The following DYNC1I2 variants were observed in gnomAD, a reference collection of about 807,000 sequenced individuals.
The protein encoded by DYNC1I2 is cytoplasmic dynein 1 intermediate chain 2.
Under a neutral mutation model 88.6 loss-of-function variants are expected in DYNC1I2, and 53 were observed. The observed-to-expected ratio is 0.60, with a 90% CI of 0.48 to 0.75. The LOEUF (loss-of-function observed/expected upper bound fraction) is 0.75. DYNC1I2 is among the 30% of genes least tolerant of loss of function. The probability of loss-of-function intolerance (pLI) is 0.00; values close to 1 mark genes in which losing one functional copy is unlikely to be tolerated. For synonymous variants in DYNC1I2, 198 were observed against 254.6 expected (o/e 0.78, Z 2.12); for missense variants, 458 against 766.6 (o/e 0.60, Z 4.75).
rs1022888489 is a variant in DYNC1I2 at position 171,749,436 on chromosome 2, A to G, written c.*1547A>G. 6.6e-6 allele frequency among the ~76,000 whole-genome samples: 1 copy of G among 152,140 alleles called. No homozygotes were observed. Among genetic ancestry groups the G allele is most frequent in the African/African-American group, 2.4e-5 (1 of 41,434 alleles). ...ATTATATACCAAAGACAATATCTCA[A>G]GTTATCTCATTGTAGCAGTGTCTGT... On this transcript the variant is annotated 3_prime_UTR_variant, in exon 18 of 18. Coordinates refer to ENST00000397119, the MANE Select transcript of DYNC1I2 (RefSeq NM_001378.3).
At chr2:171,737,871 T>C (rs1169159307) in intron 15 of DYNC1I2, among the ~76,000 whole-genome samples, 1 of 152,146 alleles carries the variant, frequency 6.6e-6, no homozygotes, top group Non-Finnish European at 1.5e-5. Context: ...TAAAATCATG[T>C]CACGGGGGTT....
chr2:171,701,623 G>A (rs1686266244), intron 3 of DYNC1I2, among the ~76,000 whole-genome samples: 1 of 152,170 alleles, frequency 6.6e-6, no homozygotes, highest in South Asian at 2.1e-4. Context: ...ATTTAGTTAA[G>A]TAGCTACTTT....
intron 1 of DYNC1I2, among the ~76,000 whole-genome samples, chr2:171,689,882 C>CTTTTTTTTTTTTTTTTTTTTTTT (rs10716223): frequency 1.8e-5 from 1 of 54,156 alleles, no homozygotes; most frequent in Non-Finnish European, 3.3e-5. Context: ...TTTTTCTTGC[C>CTTTTTTTTTTTTTTTTTTTTTTT]TTTTTTTTTT....
intron 7 of DYNC1I2, among the ~76,000 whole-genome samples, chr2:171,724,409 G>C (rs1389196722): frequency 6.6e-6 from 1 of 152,072 alleles, no homozygotes; most frequent in Non-Finnish European, 1.5e-5. Flanking sequence ...GCCTGCCATT[G>C]GGGAGAGACA....
Position 171,725,690 on chromosome 2 carries a change from A to C in DYNC1I2, c.584A>C (p.Lys195Thr). 2 of 1,579,462 alleles carry C rather than the reference A, an allele frequency of 1.3e-6. No homozygotes were observed. The highest frequency in any genetic ancestry group is 1.7e-6 in the Non-Finnish European group (2 of 1,166,044). Residue 195 changes from lysine (K) to threonine (T), a missense_variant, in exon 8 of 18, where the codon AAA becomes ACA. Physicochemically the swap from Lys to Thr is moderately conservative, Grantham distance 78. Around this residue, in one of 5 missense-constraint regions of DYNC1I2, gnomAD observed 203 missense variants for 354.2 expected, o/e 0.57. Coordinates refer to ENST00000397119, the MANE Select transcript of DYNC1I2 (RefSeq NM_001378.3). ...CCTGAAGAAGAGAAAACTTTAAAGA[A>C]AGATGAGGAAAATGATAGTAAAGGT... Reference protein sequence around the residue: ...IEPEEEKTLKKDEENDSKAPP... With the variant: ...IEPEEEKTLKTDEENDSKAPP...
intron 14 of DYNC1I2, 52 bp downstream of exon 14, chr2:171,728,902 T>C (rs760280754): frequency 2.3e-5 from 35 of 1,520,138 alleles, no homozygotes; most frequent in Non-Finnish European, 2.9e-5. Context: ...TTTAATCCCA[T>C]TGAAACAAAT....
At chr2:171,707,452 G>T in intron 5 of DYNC1I2, 75 bp downstream of exon 5, 1 of 1,305,936 alleles carries the variant, frequency 7.7e-7, no homozygotes, top group South Asian at 1.7e-5. Flanking sequence ...ACTTTAAAGG[G>T]ACTCTAAATA....
intron 15 of DYNC1I2, among the ~76,000 whole-genome samples, chr2:171,732,173 A>G (rs1422861087): frequency 2.6e-5 from 4 of 152,148 alleles, no homozygotes; most frequent in African/African-American, 4.8e-5. Flanking sequence ...AGACCAGCCC[A>G]GCCAACATGG....
intron 7 of DYNC1I2, 151 bp from the exon 8 acceptor site, chr2:171,725,467 G>C (rs1393943308): frequency 1.8e-6 from 1 of 546,260 alleles, no homozygotes; most frequent in Non-Finnish European, 3.2e-6. Context: ...TACTTGTTCT[G>C]TCCGGTCAGT....
chr2:171,744,292 T>C, intron 16 of DYNC1I2, 103 bp downstream of exon 16: 1 of 1,245,284 alleles, frequency 8.0e-7, no homozygotes, highest in Non-Finnish European at 1.1e-6. Context: ...AAAAGGGTTC[T>C]GTGATTGTAG....
chr2:171,728,479 A>C (rs752211026), intron 13 of DYNC1I2, 61 bp downstream of exon 13: 54 of 1,022,454 alleles, frequency 5.3e-5, no homozygotes, highest in Non-Finnish European at 7.5e-5. Context: ...GTGTATGTGT[A>C]CCTCAACTTA....
intron 3 of DYNC1I2, 35 bp downstream of exon 3, chr2:171,692,929 G>T: frequency 6.9e-7 from 1 of 1,445,562 alleles, no homozygotes; most frequent in South Asian, 1.2e-5. Context: ...ATAAGAGATA[G>T]GCATAGATTC....
chr2:171,710,132 C>T (rs201384766), intron 5 of DYNC1I2, among the ~76,000 whole-genome samples: 32,860 of 134,674 alleles, frequency 0.24, 3,572 homozygotes, highest in African/African-American at 0.3. Flanking sequence ...TACACACACA[C>T]ACACACACAC....
At chr2:171,690,086 T>G in intron 1 of DYNC1I2, 61 bp from the exon 2 acceptor site, 1 of 1,097,430 alleles carries the variant, frequency 9.1e-7, no homozygotes, top group Middle Eastern at 3.0e-4. Context: ...GTTCTCTTCT[T>G]GGAACACTAG....
chr2:171,705,292 T>C (rs1686593672), intron 3 of DYNC1I2, among the ~76,000 whole-genome samples: 1 of 152,120 alleles, frequency 6.6e-6, no homozygotes, highest in Non-Finnish European at 1.5e-5. Context: ...AAAATACTGT[T>C]GAACTTGTTC....
rs16859804 is a variant in DYNC1I2, at chr2:171,743,956, T to C, written c.1537-93T>C. 4.5e-3 allele frequency: 5,143 copies of C among 1,152,094 alleles called. 105 individuals carry two copies. The African/African-American group carries it at 0.054, about 12-fold the overall frequency. 71.4% of individuals were successfully genotyped at this position (1,152,094 alleles called of 1,614,324 possible). A position where few individuals can be genotyped will look rare whatever the true frequency, so the allele number is the denominator to read the frequency against. On this transcript the variant is annotated intron_variant, in intron 15 of 17. Coordinates refer to ENST00000397119, the MANE Select transcript of DYNC1I2 (RefSeq NM_001378.3). The stretch of plus-strand genomic sequence containing the variant: ...ATATCATAAAATGTTATCATACCTG[T>C]TGAATGTATGTCATTTTTTTCCCAG...
At chr2:171,747,589 C>T (rs765463913) in intron 17 of DYNC1I2, among the ~76,000 whole-genome samples, 187 bp from the exon 18 acceptor site, 1 of 152,172 alleles carries the variant, frequency 6.6e-6, no homozygotes, top group Non-Finnish European at 1.5e-5. Flanking sequence ...TCACAACACA[C>T]TTCACAAACA....
chr2:171,734,207 C>CA (rs1688848768), intron 15 of DYNC1I2, among the ~76,000 whole-genome samples: 1 of 152,052 alleles, frequency 6.6e-6, no homozygotes, highest in Non-Finnish European at 1.5e-5. Context: ...CTCAGGGTGT[C>CA]AGTTTGCCAG....
At chr2:171,736,828 T>A (rs1399565894) in intron 15 of DYNC1I2, among the ~76,000 whole-genome samples, 1 of 152,210 alleles carries the variant, frequency 6.6e-6, no homozygotes, top group African/African-American at 2.4e-5. Flanking sequence ...CTGATCCAAA[T>A]TGATGACATA....
Sources: gnomAD v4.1 joint callset for allele counts (sites outside exome capture counted in the v4.1 genomes callset) on GRCh38, gnomAD v4.1.1 for gene constraint, gnomAD v4.1.1 regional missense constraint, MANE v1.5 for transcripts, NCBI Gene and HGNC (gene_info 2026-07-23, HGNC 2026-07-21) for gene names.